KLF7: variants seen among roughly 807,000 people sequenced by gnomAD.
KLF7 encodes the protein Krueppel-like factor 7.
In KLF7, 2 loss-of-function variants were observed where a neutral mutation model predicts 27.3. The ratio of observed to expected loss-of-function variants is 0.07; its 90% CI spans 0.03 to 0.23. The LOEUF (loss-of-function observed/expected upper bound fraction) is 0.23, where lower values mean the gene tolerates loss of function less well. Among genes scored for constraint, KLF7 ranks in the 10% least tolerant of loss-of-function variants. The pLI is 1.00. For missense variants in KLF7, 221 were observed against 394.1 expected (o/e 0.56, Z 3.72); for synonymous variants, 165 against 162.4 (o/e 1.02, Z -0.12).
intron 1 of KLF7, among the ~76,000 whole-genome samples, chr2:207,154,541 G>A (rs1440427841): frequency 2.0e-5 from 3 of 152,120 alleles, no homozygotes; most frequent in African/African-American, 7.2e-5. Flanking sequence ...CATATCCAAT[G>A]CCCAGCATTC....
chr2:207,114,012 CT>C (rs1209393787), intron 2 of KLF7, among the ~76,000 whole-genome samples: 3 of 152,208 alleles, frequency 2.0e-5, no homozygotes, highest in Non-Finnish European at 4.4e-5. Flanking sequence ...AAATTGCCCT[CT>C]GCCTAAATTT....
chr2:207,154,194 C>T (rs1425784009), intron 1 of KLF7, among the ~76,000 whole-genome samples: 2 of 152,126 alleles, frequency 1.3e-5, no homozygotes, highest in African/African-American at 4.8e-5. Flanking sequence ...TCTCATAAAA[C>T]CTGATTCACT....
chr2:207,108,131 T>A (rs539777629), intron 2 of KLF7, among the ~76,000 whole-genome samples: 1 of 152,218 alleles, frequency 6.6e-6, no homozygotes, highest in Non-Finnish European at 1.5e-5. Flanking sequence ...CAAAGGATTC[T>A]TTCTGGCTTT....
chr2:207,144,192 G>A (rs1488018604), intron 1 of KLF7, among the ~76,000 whole-genome samples: 1 of 150,558 alleles, frequency 6.6e-6, no homozygotes, highest in Non-Finnish European at 1.5e-5. Flanking sequence ...AGCATAGCTA[G>A]ACTGAGCAAA....
At chr2:207,133,499 T>C (rs1038981024) in intron 1 of KLF7, among the ~76,000 whole-genome samples, 2 of 152,178 alleles carry the variant, frequency 1.3e-5, no homozygotes, top group African/African-American at 2.4e-5. Flanking sequence ...CCCAAGGACG[T>C]GGGAGGAGGC....
At chr2:207,158,151 T>G (rs2078443452) in intron 1 of KLF7, among the ~76,000 whole-genome samples, 1 of 152,112 alleles carries the variant, frequency 6.6e-6, no homozygotes, top group South Asian at 2.1e-4. Flanking sequence ...GTGAAAGAGA[T>G]CTGTGAGACA....
intron 1 of KLF7, among the ~76,000 whole-genome samples, chr2:207,141,256 C>A (rs2077935374): frequency 1.3e-5 from 2 of 152,122 alleles, no homozygotes; most frequent in Admixed American, 1.3e-4. Context: ...CCAGGTATCT[C>A]AATTTCAGAC....
chr2:207,088,438 C>T lies in KLF7; in HGVS notation c.857+20G>A. 6.2e-7 allele frequency: 1 copy of T among 1,611,988 alleles called. No homozygotes were observed. The highest frequency in any genetic ancestry group is 8.5e-7 in the Non-Finnish European group (1 of 1,178,420). ...TCCCCATCTCTCCTCCCTAGCCCAT[C>T]AACTTCTACTTCTCTTTACCTGTCG... On this transcript the variant is annotated intron_variant, in intron 3 of 3. Coordinates refer to ENST00000309446, the MANE Select transcript of KLF7 (RefSeq NM_003709.4).
At chr2:207,159,530 T>A (rs1250334528) in intron 1 of KLF7, among the ~76,000 whole-genome samples, 1 of 152,212 alleles carries the variant, frequency 6.6e-6, no homozygotes, top group Non-Finnish European at 1.5e-5. Flanking sequence ...AGAGGGCAGA[T>A]TCTATATCCA....
chr2:207,158,017 G>C (rs1456288420), intron 1 of KLF7, among the ~76,000 whole-genome samples: 3 of 140,716 alleles, frequency 2.1e-5, no homozygotes, highest in Non-Finnish European at 4.9e-5. Flanking sequence ...CTTATTTCTG[G>C]TTAGAAAAAA....
chr2:207,099,031 C>G (rs1403827818), intron 2 of KLF7, among the ~76,000 whole-genome samples: 2 of 152,102 alleles, frequency 1.3e-5, no homozygotes, highest in Non-Finnish European at 2.9e-5. Context: ...AGGCATCACT[C>G]TGAAAGTGAT....
intron 2 of KLF7, among the ~76,000 whole-genome samples, chr2:207,108,730 G>A (rs937478795): frequency 2.0e-5 from 3 of 152,144 alleles, no homozygotes; most frequent in African/African-American, 7.2e-5. Flanking sequence ...CTTTGCCAAT[G>A]AATAGATTTA....
At chr2:207,085,087 C>A (rs1002276055) in intron 3 of KLF7, among the ~76,000 whole-genome samples, 1 of 145,506 alleles carries the variant, frequency 6.9e-6, no homozygotes, top group Non-Finnish European at 1.5e-5. Context: ...GCCTGAACCC[C>A]GGAGGCAGAG....
At chr2:207,129,377 C>T (rs1380777710) in intron 1 of KLF7, among the ~76,000 whole-genome samples, 5 of 152,140 alleles carry the variant, frequency 3.3e-5, no homozygotes, top group African/African-American at 9.7e-5. Context: ...TGGATCAACC[C>T]CCAACCCCTA....
At chr2:207,098,322 T>C (rs1372415097) in intron 2 of KLF7, among the ~76,000 whole-genome samples, 3 of 152,172 alleles carry the variant, frequency 2.0e-5, no homozygotes, top group Non-Finnish European at 4.4e-5. Context: ...ATATACTAAA[T>C]TTGAAGAAAA....
At chr2:207,140,621 C>G (rs1329326851) in intron 1 of KLF7, among the ~76,000 whole-genome samples, 1 of 152,164 alleles carries the variant, frequency 6.6e-6, no homozygotes, top group Admixed American at 6.5e-5. Context: ...TAACACACCT[C>G]TAACCAAGAG....
intron 3 of KLF7, among the ~76,000 whole-genome samples, chr2:207,086,003 C>T (rs1244160531): frequency 2.3e-5 from 3 of 128,160 alleles, no homozygotes; most frequent in Non-Finnish European, 5.1e-5. Context: ...AAAAAAAAAA[C>T]CAAACCAAAA....
At chr2:207,119,472 T>C (rs6706270) in intron 2 of KLF7, among the ~76,000 whole-genome samples, 1,590 of 150,546 alleles carry the variant, frequency 0.011, 24 homozygotes, top group African/African-American at 0.037. Flanking sequence ...TTTTTTTTAA[T>C]ATTGGAAGTG....
At chr2:207,147,896 T>C (rs187681170) in intron 1 of KLF7, among the ~76,000 whole-genome samples, 25 of 152,344 alleles carry the variant, frequency 1.6e-4, no homozygotes, top group Non-Finnish European at 3.2e-4. Flanking sequence ...TAGGAAGCGT[T>C]TGATTTTCTT....
Sources: allele counts gnomAD v4.1 joint callset (sites outside exome capture counted in the v4.1 genomes callset), GRCh38; gene constraint gnomAD v4.1.1; transcripts MANE v1.5; gene names NCBI Gene and HGNC (gene_info 2026-07-23, HGNC 2026-07-21).